PITPNC1: variants seen among roughly 807,000 people sequenced by gnomAD.
The protein encoded by PITPNC1 is phosphatidylinositol transfer protein cytoplasmic 1.
In PITPNC1, 18 loss-of-function variants were observed where a neutral mutation model predicts 44.7. The observed-to-expected ratio is 0.40, with a 90% CI of 0.28 to 0.60. The LOEUF (loss-of-function observed/expected upper bound fraction) is 0.60. Among genes scored for constraint, PITPNC1 ranks in the 20% least tolerant of loss-of-function variants. The pLI is 0.39. For synonymous variants in PITPNC1, 141 were observed against 149.6 expected, an observed-to-expected ratio of 0.94 and a Z score of 0.42; for missense variants, 290 against 418.4, an observed-to-expected ratio of 0.69 and a Z score of 2.68.
chr17:67,427,063 T>C (rs2038777201), intron 1 of PITPNC1, among the ~76,000 whole-genome samples: 1 of 152,110 alleles, frequency 6.6e-6, no homozygotes, highest in South Asian at 2.1e-4. Context: ...CAGGTGACCT[T>C]CTCCTAATCC....
intron 4 of PITPNC1, among the ~76,000 whole-genome samples, chr17:67,554,079 A>G (rs1012237765): frequency 6.6e-6 from 1 of 152,156 alleles, no homozygotes; most frequent in African/African-American, 2.4e-5. Context: ...TGGGTTGGGC[A>G]GTCGCTGTGG....
At chr17:67,484,454 A>T (rs912139976) in intron 1 of PITPNC1, among the ~76,000 whole-genome samples, 4 of 152,232 alleles carry the variant, frequency 2.6e-5, no homozygotes, top group Non-Finnish European at 4.4e-5. Flanking sequence ...TCTCTAGCTC[A>T]GTCGCCACAT....
At chr17:67,690,268 T>C (rs2042895714) in intron 8 of PITPNC1, among the ~76,000 whole-genome samples, 1 of 151,898 alleles carries the variant, frequency 6.6e-6, no homozygotes, top group Admixed American at 6.6e-5. Flanking sequence ...GCCAACATGG[T>C]GAAACCCCAT....
intron 1 of PITPNC1, among the ~76,000 whole-genome samples, chr17:67,448,091 G>C (rs1223738410): frequency 6.6e-6 from 1 of 151,814 alleles, no homozygotes; most frequent in African/African-American, 2.4e-5. Flanking sequence ...GATTAAAGGC[G>C]CACACCACCA....
At chr17:67,657,704 T>C (rs933130599) in intron 6 of PITPNC1, among the ~76,000 whole-genome samples, 6 of 152,206 alleles carry the variant, frequency 3.9e-5, no homozygotes, top group Non-Finnish European at 8.8e-5. Context: ...TTTCCAAAAC[T>C]TTATTTCACA....
At chr17:67,388,655 T>C (rs1262584103) in intron 1 of PITPNC1, among the ~76,000 whole-genome samples, 1 of 152,078 alleles carries the variant, frequency 6.6e-6, no homozygotes, top group Non-Finnish European at 1.5e-5. Context: ...AGTCTTGCTC[T>C]GTCACCCAGG....
chr17:67,576,899 AGTGTTGCTCTTAG>A (rs2041157138), intron 4 of PITPNC1, among the ~76,000 whole-genome samples: 1 of 152,170 alleles, frequency 6.6e-6, no homozygotes, highest in Non-Finnish European at 1.5e-5. Context: ...TAACCCTCAC[AGTGTTGCTCTTAG>A]GTAATAATTA....
chr17:67,453,949 C>T (rs1180659025), intron 1 of PITPNC1, among the ~76,000 whole-genome samples: 2 of 152,078 alleles, frequency 1.3e-5, no homozygotes, highest in Non-Finnish European at 2.9e-5. Context: ...GGGGGAAGCA[C>T]ATTAAGAGTA....
chr17:67,505,418 T>G (rs1168704742), intron 1 of PITPNC1, among the ~76,000 whole-genome samples: 1 of 152,250 alleles, frequency 6.6e-6, no homozygotes, highest in Non-Finnish European at 1.5e-5. Context: ...GGCACATACC[T>G]GTTTATCATT....
chr17:67,624,314 C>T (rs950492024), intron 5 of PITPNC1, among the ~76,000 whole-genome samples: 4 of 148,970 alleles, frequency 2.7e-5, no homozygotes, highest in Non-Finnish European at 4.4e-5. Context: ...TAGGCTCAAG[C>T]AGTCCTCCCA....
At chr17:67,624,296 C>G (rs569019472) in intron 5 of PITPNC1, among the ~76,000 whole-genome samples, 1 of 147,924 alleles carries the variant, frequency 6.8e-6, no homozygotes, top group South Asian at 2.1e-4. Flanking sequence ...ATTGCAGCCT[C>G]CACTGCCTAG....
intron 6 of PITPNC1, among the ~76,000 whole-genome samples, chr17:67,658,816 A>C (rs927327347): frequency 2.7e-5 from 4 of 149,128 alleles, no homozygotes; most frequent in African/African-American, 9.9e-5. Context: ...AAGCAGGAAG[A>C]CCTCCACTTA....
intron 8 of PITPNC1, among the ~76,000 whole-genome samples, chr17:67,680,246 G>A (rs890209502): frequency 1.7e-4 from 26 of 152,088 alleles, no homozygotes; most frequent in African/African-American, 6.3e-4. Flanking sequence ...GATTTTCAGA[G>A]GAACCTGTGA....
At chr17:67,587,209 A>C (rs1216982050) in intron 5 of PITPNC1, among the ~76,000 whole-genome samples, 2 of 152,054 alleles carry the variant, frequency 1.3e-5, no homozygotes, top group Non-Finnish European at 2.9e-5. Context: ...GATATTGGCC[A>C]GGTGTTGTGG....
chr17:67,429,832 A>G (rs1172005253), intron 1 of PITPNC1, among the ~76,000 whole-genome samples: 1 of 152,232 alleles, frequency 6.6e-6, no homozygotes, highest in Admixed American at 6.5e-5. Flanking sequence ...CTTTTCTGAA[A>G]GAATATTTTA....
In PITPNC1 at chr17:67,575,879, CTTTTTT is replaced by C. The variant is rs1209977482; in HGVS notation, c.295-2297_295-2292del. 1.9e-4 allele frequency among the ~76,000 whole-genome samples: 3 copies of C among 15,926 alleles called. No homozygotes were observed. The East Asian group carries it at 9.9e-3, about 52-fold the overall frequency. 10.4% of individuals were successfully genotyped at this position (15,926 alleles called of 152,430 possible). A position where few individuals can be genotyped will look rare whatever the true frequency, so the allele number is the denominator to read the frequency against. On this transcript the variant is annotated intron_variant, in intron 4 of 8. Transcript: ENST00000581322. ...CTTTCCTTCCTTCTTTCTTTCTTTCCTTTTTTTTTTTTTTTGAGACTGAGTCTCACT... is the reference window on the plus strand; with the variant it reads ...CTTTCCTTCCTTCTTTCTTTCTTTCCTTTTTTTTTGAGACTGAGTCTCACT...
At chr17:67,520,854 G>A (rs913609591) in intron 1 of PITPNC1, among the ~76,000 whole-genome samples, 1 of 152,090 alleles carries the variant, frequency 6.6e-6, no homozygotes, top group Non-Finnish European at 1.5e-5. Context: ...TAAATACAAG[G>A]ACATGACACC....
chr17:67,652,242 C>A (rs1311756268), intron 6 of PITPNC1, among the ~76,000 whole-genome samples: 1 of 152,196 alleles, frequency 6.6e-6, no homozygotes, highest in Non-Finnish European at 1.5e-5. Context: ...CTCCAAGATG[C>A]AAGCTCAGCC....
rs139175227 is a variant in PITPNC1 at position 67,663,297 on chromosome 17, C to T, written c.463-6211C>T. On this transcript the variant is annotated intron_variant, in intron 6 of 8. Transcript: ENST00000581322. ...AAAAGTTGAAGCAGTAGGCCGGGCG[C>T]GGTGGCTCCTGCCTGTAATCCCAGC... 8.3e-4 allele frequency among the ~76,000 whole-genome samples: 126 copies of T among 152,150 alleles called. 2 individuals carry two copies. Among genetic ancestry groups the T allele is most frequent in the African/African-American group, 2.2e-3 (90 of 41,498 alleles).
Sources: allele counts gnomAD v4.1 joint callset (sites outside exome capture counted in the v4.1 genomes callset), GRCh38; gene constraint gnomAD v4.1.1; transcripts MANE v1.5; gene names NCBI Gene and HGNC (gene_info 2026-07-23, HGNC 2026-07-21).